SGPP2: variants seen among roughly 807,000 people sequenced by gnomAD.
SGPP2 encodes sphingosine 1-phosphate phosphohydrolase 2.
SGPP2 carries 30 observed loss-of-function variants against 33.9 expected under a neutral mutation model. The ratio of observed to expected loss-of-function variants is 0.89; its 90% CI spans 0.66 to 1.20. The LOEUF is 1.20. SGPP2 is among the 50% of genes most tolerant of loss of function. The pLI is 0.00. For synonymous variants in SGPP2, 233 were observed against 225.0 expected, an observed-to-expected ratio of 1.04 and a Z score of -0.32; for missense variants, 458 against 532.1, an observed-to-expected ratio of 0.86 and a Z score of 1.37.
intron 3 of SGPP2, among the ~76,000 whole-genome samples, chr2:222,524,071 G>T (rs1470504129): frequency 2.6e-5 from 4 of 152,200 alleles, no homozygotes; most frequent in Non-Finnish European, 5.9e-5. Flanking sequence ...TGTTGTGAGG[G>T]TCAAATGGGA....
chr2:222,516,517 G>A (rs993879742), intron 2 of SGPP2, among the ~76,000 whole-genome samples: 2 of 152,168 alleles, frequency 1.3e-5, no homozygotes, highest in African/African-American at 2.4e-5. Flanking sequence ...TATTGCTTTT[G>A]TTTCTCCTGG....
In SGPP2 at chr2:222,424,776, C is replaced by T; in HGVS notation, c.174C>T (p.Gly58=). ...VEHLPAANGK[G]GEAPANGLRR... ...ATCTCCCCGCAGCCAACGGCAAGGG[C>T]GGCGAGGCTCCGGCCAACGGGCTGC... Residue 58 remains glycine, a synonymous_variant, in exon 1 of 5, where the codon GGC becomes GGT. Transcript: ENST00000321276. 1.4e-6 allele frequency: 2 copies of T among 1,398,640 alleles called. No homozygotes were observed. Among genetic ancestry groups the T allele is most frequent in the Non-Finnish European group, 1.9e-6 (2 of 1,077,740 alleles). The allele number at this position is 1,398,640 out of a possible 1,614,324, so 86.6% of individuals were successfully genotyped here.
chr2:222,479,524 T>G (rs1275916215), intron 2 of SGPP2, among the ~76,000 whole-genome samples: 4 of 146,892 alleles, frequency 2.7e-5, no homozygotes, highest in African/African-American at 7.5e-5. Flanking sequence ...TGCCTCAGCC[T>G]CCCAAGTAGC....
chr2:222,433,265 T>C lies in SGPP2; in HGVS notation c.219+8444T>C, dbSNP rs953184711. ...TCAGAGAGGACCTTAGGAAAGAAGC[T>C]GGCTGTGTGGCTGCTGCAGTTTTCT... On this transcript the variant is annotated intron_variant, in intron 1 of 4. Transcript: ENST00000321276. Among the ~76,000 whole-genome samples the C allele has an allele frequency of 2.0e-5, 3 of 152,308 alleles. No homozygotes were observed. In the East Asian group the frequency reaches 5.8e-4, roughly 29 times the overall value.
chr2:222,514,527 C>A (rs1296800859), intron 2 of SGPP2, among the ~76,000 whole-genome samples: 1 of 152,138 alleles, frequency 6.6e-6, no homozygotes, highest in African/African-American at 2.4e-5. Flanking sequence ...TCCAAATAAA[C>A]CAAAGTTCAT....
intron 4 of SGPP2, among the ~76,000 whole-genome samples, chr2:222,526,363 G>C (rs1336267379): frequency 1.3e-5 from 2 of 152,162 alleles, no homozygotes; most frequent in Non-Finnish European, 2.9e-5. Flanking sequence ...GCAATGAAGG[G>C]CCAGTCCTGT....
chr2:222,487,516 G>T (rs2106107594), intron 2 of SGPP2, among the ~76,000 whole-genome samples: 1 of 152,284 alleles, frequency 6.6e-6, no homozygotes, highest in African/African-American at 2.4e-5. Flanking sequence ...GCATCTTATA[G>T]GATATTTAGT....
intron 2 of SGPP2, among the ~76,000 whole-genome samples, chr2:222,488,867 T>G (rs1206861022): frequency 6.6e-6 from 1 of 152,162 alleles, no homozygotes; most frequent in Non-Finnish European, 1.5e-5. Flanking sequence ...AAAATTAAAT[T>G]TCTTCTCGCA....
Position 222,477,737 on chromosome 2 carries a change from T to C in SGPP2, c.378+3011T>C, listed in dbSNP as rs72966766. ...ATCTCCCCCACTGAGGGTGGAAAAC[T>C]TTCCCTGAGAGCTGGGAAGACCTCT... On this transcript the variant is annotated intron_variant, in intron 2 of 4. Transcript: ENST00000321276. The surrounding 1 kb of genome is among the most constrained non-coding windows in gnomAD (Gnocchi z 6.0). Among the ~76,000 whole-genome samples, 9,296 of 152,114 alleles carry C rather than the reference T, an allele frequency of 0.061. 380 individuals are homozygous for C. Among genetic ancestry groups the C allele is most frequent in the East Asian group, 0.14 (744 of 5,164 alleles).
Position 222,520,753 on chromosome 2 carries a change from T to G in SGPP2, c.379-1014T>G, listed in dbSNP as rs1247052511. On this transcript the variant is annotated intron_variant, in intron 2 of 4. Transcript: ENST00000321276. ...AAAAAAAAAAAAAAAAAACCCTCCATATCGAGCCCTTTTTTTTTGAGACAG... is the reference window on the plus strand; with the variant it reads ...AAAAAAAAAAAAAAAAAACCCTCCAGATCGAGCCCTTTTTTTTTGAGACAG... 4.2e-5 allele frequency among the ~76,000 whole-genome samples: 6 copies of G among 143,394 alleles called. No homozygotes were observed. The East Asian group carries it at 1.2e-3, about 30-fold the overall frequency. The allele number at this position is 143,394 out of a possible 152,430, so 94.1% of individuals were successfully genotyped here.
chr2:222,549,439 A>G (rs1241172714), intron 4 of SGPP2, among the ~76,000 whole-genome samples: 1 of 152,242 alleles, frequency 6.6e-6, no homozygotes, highest in East Asian at 1.9e-4. Context: ...AGTGATGTTC[A>G]CTAAAAAAAG....
chr2:222,510,629 T>C (rs1477382479), intron 2 of SGPP2, among the ~76,000 whole-genome samples: 2 of 152,174 alleles, frequency 1.3e-5, no homozygotes, highest in African/African-American at 4.8e-5. Flanking sequence ...TTCAATTTTT[T>C]TTAATATGGT....
intron 2 of SGPP2, among the ~76,000 whole-genome samples, chr2:222,500,002 C>A (rs565658258): frequency 3.8e-4 from 58 of 152,248 alleles, no homozygotes; most frequent in African/African-American, 1.0e-3. Context: ...AAGGGTGTTA[C>A]CAGCAGGAAG....
intron 1 of SGPP2, 121 bp downstream of exon 1, chr2:222,424,942 G>T: frequency 1.3e-6 from 1 of 790,934 alleles, no homozygotes; most frequent in Non-Finnish European, 1.7e-6. Context: ...GCAGTGACCC[G>T]GCTCCCGCCG....
intron 4 of SGPP2, among the ~76,000 whole-genome samples, chr2:222,546,800 C>T (rs188263823): frequency 1.2e-4 from 17 of 144,816 alleles, no homozygotes; most frequent in African/African-American, 3.7e-4. Context: ...ATAATTCAGA[C>T]GTTTTTATTC....
At chr2:222,535,174 C>G (rs1698894864) in intron 4 of SGPP2, among the ~76,000 whole-genome samples, 1 of 151,786 alleles carries the variant, frequency 6.6e-6, no homozygotes, top group African/African-American at 2.4e-5. Context: ...GTCAGGAGTT[C>G]AAGACTCAGC....
chr2:222,458,812 C>G (rs540003314), intron 1 of SGPP2, among the ~76,000 whole-genome samples: 1 of 152,282 alleles, frequency 6.6e-6, no homozygotes, highest in African/African-American at 2.4e-5. Context: ...CCCAGCCCAG[C>G]GCAAGCACTA....
At chr2:222,524,902 G>C (rs1698734378) in intron 3 of SGPP2, 42 bp from the exon 4 acceptor site, 2 of 1,460,782 alleles carry the variant, frequency 1.4e-6, no homozygotes, top group Non-Finnish European at 1.9e-6. Context: ...ATGTATGTCT[G>C]AGTGTGATCT....
chr2:222,481,130 A>G (rs1052694697), intron 2 of SGPP2, among the ~76,000 whole-genome samples: 1 of 152,176 alleles, frequency 6.6e-6, no homozygotes, highest in African/African-American at 2.4e-5. Flanking sequence ...AAGAATAGCT[A>G]ATGGATACTG....
Sources: allele counts gnomAD v4.1 joint callset (sites outside exome capture counted in the v4.1 genomes callset), GRCh38; gene constraint gnomAD v4.1.1; non-coding constraint Gnocchi (gnomAD v3.1); transcripts MANE v1.5; gene names NCBI Gene and HGNC (gene_info 2026-07-23, HGNC 2026-07-21).